Variants in NAALADL2 observed in about 807,000 individuals in gnomAD.
NAALADL2 encodes inactive N-acetylated-alpha-linked acidic dipeptidase-like protein 2.
NAALADL2 carries 76 observed loss-of-function variants against 87.2 expected under a neutral mutation model. That is an observed-to-expected ratio of 0.87 (90% CI 0.72 to 1.05). NAALADL2 has a LOEUF of 1.05. Ranked by LOEUF, NAALADL2 falls within the 50% of genes least tolerant of loss-of-function variation. The probability of loss-of-function intolerance (pLI) is 0.00; values close to 1 mark genes in which losing one functional copy is unlikely to be tolerated. For missense variants in NAALADL2, 1,089 were observed against 945.8 expected, an observed-to-expected ratio of 1.15 and a Z score of -1.99; for synonymous variants, 354 against 331.0, an observed-to-expected ratio of 1.07 and a Z score of -0.75.
intron 8 of NAALADL2, among the ~76,000 whole-genome samples, chr3:175,467,909 T>TAGA (rs1371639855): frequency 2.6e-5 from 4 of 152,140 alleles, no homozygotes; most frequent in Admixed American, 1.3e-4. Flanking sequence ...ATTGGATTGA[T>TAGA]AGAAAGTCTA....
chr3:175,405,170 A>G (rs1299592097), intron 5 of NAALADL2, among the ~76,000 whole-genome samples: 1 of 152,182 alleles, frequency 6.6e-6, no homozygotes, highest in Admixed American at 6.6e-5. Context: ...TTAAAATGCA[A>G]CTTTAAACAT....
At chr3:175,306,362 T>C (rs896666188) in intron 4 of NAALADL2, among the ~76,000 whole-genome samples, 3 of 152,168 alleles carry the variant, frequency 2.0e-5, no homozygotes, top group African/African-American at 7.2e-5. Flanking sequence ...ATTAGAAAAA[T>C]GTACTTAGAT....
chr3:174,897,377 C>A (rs1731679248), intron 1 of NAALADL2, among the ~76,000 whole-genome samples: 1 of 149,596 alleles, frequency 6.7e-6, no homozygotes, highest in African/African-American at 2.5e-5. Context: ...AGATATTTTT[C>A]AAAAGACAAC....
In NAALADL2 at chr3:175,810,307, TAAG is replaced by T. The variant is rs775427852; in HGVS notation, c.*7107_*7109del. 5.9e-4 allele frequency: 90 copies of T among 152,144 alleles called. No homozygotes were observed. Among genetic ancestry groups the T allele is most frequent in the Non-Finnish European group, 9.9e-4 (67 of 67,962 alleles). The allele number at this position is 152,144 out of a possible 1,614,324, so 9.4% of individuals were successfully genotyped here. On this transcript the variant is annotated 3_prime_UTR_variant, in exon 14 of 14. Coordinates refer to ENST00000454872, the MANE Select transcript of NAALADL2 (RefSeq NM_207015.3). ...TACATGACTCAATATGCATCTTACTTAAGAAATTATGTTGTGATCTGGAGTGAC... is the reference window on the plus strand; with the variant it reads ...TACATGACTCAATATGCATCTTACTTAAATTATGTTGTGATCTGGAGTGAC...
At chr3:175,558,658 A>G (rs1010195872) in intron 9 of NAALADL2, among the ~76,000 whole-genome samples, 2 of 152,176 alleles carry the variant, frequency 1.3e-5, no homozygotes, top group Admixed American at 1.3e-4. Flanking sequence ...CAGTTTTCCC[A>G]GAATCATTTA....
chr3:175,753,388 AT>A (rs1003873738), intron 12 of NAALADL2, among the ~76,000 whole-genome samples: 26 of 151,648 alleles, frequency 1.7e-4, no homozygotes, highest in East Asian at 5.8e-4. Flanking sequence ...TTGTTATCAG[AT>A]TTTTTTTTCT....
chr3:175,051,364 A>G (rs1443968586), intron 1 of NAALADL2, among the ~76,000 whole-genome samples: 2 of 152,120 alleles, frequency 1.3e-5, no homozygotes, highest in African/African-American at 2.4e-5. Context: ...CCTGTCCTGA[A>G]ACCCAGGGTT....
intron 9 of NAALADL2, among the ~76,000 whole-genome samples, chr3:175,476,807 C>T (rs111453533): frequency 8.6e-6 from 1 of 116,030 alleles, no homozygotes; most frequent in Non-Finnish European, 1.9e-5. Flanking sequence ...ATAAAAACAA[C>T]ACGTCTGACA....
At chr3:174,676,817 CTA>C (rs1348778045) in intron 2 of NAALADL2, among the ~76,000 whole-genome samples, 1 of 151,644 alleles carries the variant, frequency 6.6e-6, no homozygotes, top group Non-Finnish European at 1.5e-5. Context: ...TTATAAATTT[CTA>C]TAAGTTAGTT....
intron 6 of NAALADL2, among the ~76,000 whole-genome samples, chr3:175,451,934 C>T (rs373087704): frequency 1.2e-4 from 18 of 151,962 alleles, no homozygotes; most frequent in East Asian, 1.2e-3. Flanking sequence ...ATCTATCTTC[C>T]TAATCTGTTA....
chr3:175,181,781 A>G (rs36157133), intron 2 of NAALADL2, among the ~76,000 whole-genome samples: 3,276 of 95,804 alleles, frequency 0.034, 176 homozygotes, highest in African/African-American at 0.1. Flanking sequence ...GTATATATGT[A>G]TATATATGTG....
In NAALADL2 at chr3:175,095,695, T is replaced by A. The variant is rs115739729; in HGVS notation, c.44-1095T>A. Among the ~76,000 whole-genome samples the A allele has an allele frequency of 7.0e-3, 1,061 of 152,196 alleles. 8 individuals are homozygous for A. Among genetic ancestry groups the A allele is most frequent in the Non-Finnish European group, 9.4e-3 (638 of 67,988 alleles). On this transcript the variant is annotated intron_variant, in intron 1 of 13. Coordinates refer to ENST00000454872, the MANE Select transcript of NAALADL2 (RefSeq NM_207015.3). Reference sequence around the variant, plus strand: ...TATCTTTTTCATAGGAATTTACTTGTCTACCACGATTCCTAAGGCAATTAG... The same window carrying A: ...TATCTTTTTCATAGGAATTTACTTGACTACCACGATTCCTAAGGCAATTAG...
intron 5 of NAALADL2, among the ~76,000 whole-genome samples, chr3:175,353,319 C>A (rs1367429909): frequency 6.6e-6 from 1 of 152,018 alleles, no homozygotes; most frequent in Admixed American, 6.6e-5. Context: ...TCAGCCTGGG[C>A]AACGTAGCAA....
chr3:174,735,203 A>G (rs1202607734), intron 2 of NAALADL2, among the ~76,000 whole-genome samples: 1 of 152,206 alleles, frequency 6.6e-6, no homozygotes, highest in Non-Finnish European at 1.5e-5. Context: ...AGAATAACCA[A>G]TCTTGGTATT....
intron 1 of NAALADL2, among the ~76,000 whole-genome samples, chr3:174,989,079 C>T (rs528577216): frequency 1.3e-5 from 2 of 152,140 alleles, no homozygotes; most frequent in South Asian, 4.2e-4. Context: ...AGGGAGATAC[C>T]CTGTTCTTTT....
At chr3:174,704,542 A>G (rs7617251) in intron 2 of NAALADL2, among the ~76,000 whole-genome samples, 39,211 of 152,004 alleles carry the variant, frequency 0.26, 5,559 homozygotes, top group East Asian at 0.43. Context: ...AATAACTAAT[A>G]CTGGAGGATA....
chr3:175,233,549 A>G (rs1013588463), intron 2 of NAALADL2, among the ~76,000 whole-genome samples: 1 of 152,100 alleles, frequency 6.6e-6, no homozygotes, highest in African/African-American at 2.4e-5. Flanking sequence ...TCAAGTGATC[A>G]TCCCACCTCA....
At chr3:175,229,172 T>C (rs1744580022) in intron 2 of NAALADL2, among the ~76,000 whole-genome samples, 1 of 151,846 alleles carries the variant, frequency 6.6e-6, no homozygotes, top group Admixed American at 6.6e-5. Flanking sequence ...CATTAATATT[T>C]CTTTAAATAT....
At chr3:174,570,437 C>G (rs185530384) in intron 2 of NAALADL2, among the ~76,000 whole-genome samples, 2 of 151,902 alleles carry the variant, frequency 1.3e-5, no homozygotes, top group Non-Finnish European at 2.9e-5. Flanking sequence ...TTCAAATAAA[C>G]AATTTATTAG....
Sources: gnomAD v4.1 joint callset for allele counts (sites outside exome capture counted in the v4.1 genomes callset) on GRCh38, gnomAD v4.1.1 for gene constraint, MANE v1.5 for transcripts, NCBI Gene and HGNC (gene_info 2026-07-23, HGNC 2026-07-21) for gene names.